Variants in GPR39 observed in about 807,000 individuals in gnomAD.
The protein encoded by GPR39 is G protein-coupled receptor 39, also known as zinc sensing receptor.
Under a neutral mutation model 18.4 loss-of-function variants are expected in GPR39, and 23 were observed. That is an observed-to-expected ratio of 1.25 (90% CI 0.90 to 1.77). The LOEUF (loss-of-function observed/expected upper bound fraction) is 1.77. Among genes scored for constraint, GPR39 ranks in the 40% most tolerant of loss-of-function variants. The pLI, the probability that GPR39 is intolerant of heterozygous loss-of-function variation, is 0.00. For missense variants in GPR39, 647 were observed against 602.4 expected (o/e 1.07, Z -0.78); for synonymous variants, 280 against 257.9 (o/e 1.09, Z -0.82).
rs184417266 is a variant in GPR39, at chr2:132,475,353, G to A, written c.856+57455G>A. On this transcript the variant is annotated intron_variant, in intron 1 of 1. Transcript: ENST00000329321. ...GGCCTGTATATCACTGTGCATGCAT[G>A]CTGGCACTGGCTATTGGTCTGGAGG... is the stretch of plus-strand genomic sequence containing the variant. Among the ~76,000 whole-genome samples the A allele has an allele frequency of 1.1e-4, 16 of 151,836 alleles. No homozygotes were observed. The East Asian group carries it at 2.7e-3, about 26-fold the overall frequency.
intron 1 of GPR39, among the ~76,000 whole-genome samples, chr2:132,483,355 C>T (rs529235845): frequency 4.6e-5 from 7 of 152,240 alleles, no homozygotes; most frequent in Non-Finnish European, 7.3e-5. Flanking sequence ...TTCTGGCCCA[C>T]ACTTATGCCC....
chr2:132,535,023 G>A (rs1034138476), intron 1 of GPR39, among the ~76,000 whole-genome samples: 4 of 151,502 alleles, frequency 2.6e-5, no homozygotes, highest in African/African-American at 9.7e-5. Flanking sequence ...ATCTGCAAAC[G>A]GAGATAGTTT....
rs66464566 is a variant in GPR39, at chr2:132,476,635, C to CA, written c.856+58764dup. ...TGGGTAACAGAGCAAGACTCCATCT[C>CA]AAAAAAAAAAAAAAAAAAAAAAAAA... On this transcript the variant is annotated intron_variant, in intron 1 of 1. Transcript: ENST00000329321. 2.1e-3 allele frequency among the ~76,000 whole-genome samples: 118 copies of CA among 56,450 alleles called. 5 individuals are homozygous for CA. The highest frequency in any genetic ancestry group is 7.7e-3 in the African/African-American group (109 of 14,102). The allele number at this position is 56,450 out of a possible 152,430, so 37.0% of individuals were successfully genotyped here. A position where few individuals can be genotyped will look rare whatever the true frequency, so the allele number is the denominator to read the frequency against.
chr2:132,476,467 C>A (rs1681127909), intron 1 of GPR39, among the ~76,000 whole-genome samples: 1 of 151,778 alleles, frequency 6.6e-6, no homozygotes, highest in Admixed American at 6.6e-5. Flanking sequence ...GAAACCCTGT[C>A]TCCACTAAAA....
chr2:132,521,528 G>A (rs1021498940), intron 1 of GPR39, among the ~76,000 whole-genome samples: 1 of 152,124 alleles, frequency 6.6e-6, no homozygotes, highest in Non-Finnish European at 1.5e-5. Flanking sequence ...AGGGATGGGG[G>A]ATCCCGCAGC....
At chr2:132,492,424 A>G (rs1425934038) in intron 1 of GPR39, among the ~76,000 whole-genome samples, 1 of 144,108 alleles carries the variant, frequency 6.9e-6, no homozygotes, top group East Asian at 2.1e-4. Context: ...TATATACCAT[A>G]TATACACCAT....
chr2:132,511,043 A>AT lies in GPR39; in HGVS notation c.856+93146dup, dbSNP rs773104459. On this transcript the variant is annotated intron_variant, in intron 1 of 1. Transcript: ENST00000329321. ...AAAGGAAAACAAAAAAGCCTAAAGC[A>AT]TAAACCTTTTCTATCTCATTTAAAA... is the stretch of plus-strand genomic sequence containing the variant. Among the ~76,000 whole-genome samples the AT allele has an allele frequency of 6.9e-4, 105 of 152,258 alleles. 1 individual carries two copies. The highest frequency in any genetic ancestry group is 3.3e-4 in the Admixed American group (5 of 15,280).
At chr2:132,551,216 T>A (rs1282300032) in intron 1 of GPR39, among the ~76,000 whole-genome samples, 1 of 149,738 alleles carries the variant, frequency 6.7e-6, no homozygotes, top group Non-Finnish European at 1.5e-5. Flanking sequence ...CCAGCCATCA[T>A]GTCTGCATTT....
chr2:132,640,704 C>T (rs564618063), intron 1 of GPR39, among the ~76,000 whole-genome samples: 1 of 152,308 alleles, frequency 6.6e-6, no homozygotes, highest in African/African-American at 2.4e-5. Context: ...ATCTTTAATA[C>T]ACTCTATTAG....
intron 1 of GPR39, among the ~76,000 whole-genome samples, chr2:132,561,577 TACACACACACACAC>T (rs55653432): frequency 1.1e-3 from 159 of 147,950 alleles, no homozygotes; most frequent in Middle Eastern, 3.4e-3. Flanking sequence ...AATATGAGTG[TACACACACACACAC>T]ACACACACAC....
intron 1 of GPR39, among the ~76,000 whole-genome samples, chr2:132,504,112 C>A (rs190601655): frequency 6.6e-6 from 1 of 152,308 alleles, no homozygotes; most frequent in East Asian, 1.9e-4. Context: ...TCTGTGGATT[C>A]TCTCAGCTTT....
chr2:132,495,175 A>G (rs1209003275), intron 1 of GPR39, among the ~76,000 whole-genome samples: 1 of 152,202 alleles, frequency 6.6e-6, no homozygotes, highest in Non-Finnish European at 1.5e-5. Flanking sequence ...ATCATAGCAT[A>G]TATGCTGGCA....
chr2:132,460,471 C>T (rs1003103336), intron 1 of GPR39, among the ~76,000 whole-genome samples: 2 of 152,220 alleles, frequency 1.3e-5, no homozygotes, highest in East Asian at 3.9e-4. Flanking sequence ...GTACATTTGA[C>T]ACCAATCAAT....
chr2:132,592,355 A>G (rs1680861483), intron 1 of GPR39, among the ~76,000 whole-genome samples: 1 of 152,232 alleles, frequency 6.6e-6, no homozygotes, highest in Non-Finnish European at 1.5e-5. Context: ...AATTCCAGGT[A>G]GAAGGCACAG....
At chr2:132,622,751 C>T (rs1298292630) in intron 1 of GPR39, among the ~76,000 whole-genome samples, 12 of 152,196 alleles carry the variant, frequency 7.9e-5, no homozygotes, top group Admixed American at 7.9e-4. Flanking sequence ...ATAAGGGGGT[C>T]TGCCACCCAT....
intron 1 of GPR39, among the ~76,000 whole-genome samples, chr2:132,450,506 G>A (rs987465263): frequency 7.9e-5 from 12 of 152,210 alleles, no homozygotes; most frequent in Non-Finnish European, 1.5e-4. Context: ...CCTGGGATTC[G>A]TAAAAGTTCA....
At chr2:132,476,502 G>A (rs1052642813) in intron 1 of GPR39, among the ~76,000 whole-genome samples, 1 of 151,644 alleles carries the variant, frequency 6.6e-6, no homozygotes, top group African/African-American at 2.4e-5. Context: ...TGGGCGTGGT[G>A]GTGGGTGCCT....
chr2:132,537,547 GTGTCT>G (rs1485151569), intron 1 of GPR39, among the ~76,000 whole-genome samples: 1 of 142,200 alleles, frequency 7.0e-6, no homozygotes, highest in Admixed American at 7.1e-5. Context: ...TGATGATTAT[GTGTCT>G]TGTGTTCTCT....
intron 1 of GPR39, among the ~76,000 whole-genome samples, chr2:132,519,102 A>T (rs1443792205): frequency 6.6e-6 from 1 of 152,164 alleles, no homozygotes; most frequent in Admixed American, 6.5e-5. Context: ...AAGATACTAC[A>T]TTTTCATCTT....
Sources: allele counts gnomAD v4.1 joint callset (sites outside exome capture counted in the v4.1 genomes callset), GRCh38; gene constraint gnomAD v4.1.1; transcripts MANE v1.5; gene names NCBI Gene and HGNC (gene_info 2026-07-23, HGNC 2026-07-21).